Variants in MRPS5 observed in about 807,000 individuals in gnomAD.
MRPS5 encodes small ribosomal subunit protein uS5m.
In MRPS5, 27 loss-of-function variants were observed where a neutral mutation model predicts 51.9. That is an observed-to-expected ratio of 0.52 (90% confidence interval 0.38 to 0.72). MRPS5 has a LOEUF of 0.72. MRPS5 is among the 30% of genes least tolerant of loss of function. The probability of loss-of-function intolerance (pLI) is 0.00; values close to 1 mark genes in which losing one functional copy is unlikely to be tolerated. For synonymous variants in MRPS5, 196 were observed against 193.2 expected (o/e 1.01, Z -0.12); for missense variants, 570 against 545.7 (o/e 1.04, Z -0.44).
intron 11 of MRPS5, 105 bp downstream of exon 11, chr2:95,090,281 G>A: frequency 5.2e-6 from 6 of 1,147,922 alleles, no homozygotes; most frequent in Admixed American, 2.2e-5. Context: ...CTCCTCAGGT[G>A]GCCCCAGGAA....
chr2:95,109,113 C>T (rs1250582079), intron 4 of MRPS5, among the ~76,000 whole-genome samples: 1 of 151,682 alleles, frequency 6.6e-6, no homozygotes, highest in Non-Finnish European at 1.5e-5. Flanking sequence ...AAGAAGCATC[C>T]AGGGGGACTT....
At chr2:95,108,821 G>C (rs1676030904) in intron 4 of MRPS5, among the ~76,000 whole-genome samples, 1 of 152,028 alleles carries the variant, frequency 6.6e-6, no homozygotes, top group South Asian at 2.1e-4. Flanking sequence ...CTATTATTGA[G>C]TGAAAAAAGT....
chr2:95,090,553 C>T, intron 10 of MRPS5, 31 bp from the exon 11 acceptor site: 1 of 1,612,896 alleles, frequency 6.2e-7, no homozygotes, highest in Non-Finnish European at 8.5e-7. Flanking sequence ...TGAAACACAG[C>T]CCACTCGCCT....
At chr2:95,117,021 G>C (rs1334507638) in intron 2 of MRPS5, among the ~76,000 whole-genome samples, 2 of 152,070 alleles carry the variant, frequency 1.3e-5, no homozygotes, top group Non-Finnish European at 2.9e-5. Context: ...CATGCCTGTA[G>C]TCCCAGCTAC....
intron 10 of MRPS5, among the ~76,000 whole-genome samples, chr2:95,096,470 C>T (rs1675630707): frequency 6.6e-6 from 1 of 152,184 alleles, no homozygotes. Context: ...TCCAGCAGCA[C>T]ATCAAAAAGC....
chr2:95,114,050 G>A (rs1676207938), intron 3 of MRPS5, among the ~76,000 whole-genome samples: 1 of 144,186 alleles, frequency 6.9e-6, no homozygotes, highest in African/African-American at 2.6e-5. Flanking sequence ...AGCCCGGGAG[G>A]TGGAGGTTGC....
chr2:95,108,866 C>T, intron 4 of MRPS5, among the ~76,000 whole-genome samples: 1 of 152,024 alleles, frequency 6.6e-6, no homozygotes, highest in Non-Finnish European at 1.5e-5. Flanking sequence ...GTGATATAAT[C>T]TAAATTTTTT....
chr2:95,115,145 T>C lies in MRPS5; in HGVS notation c.198A>G (p.Ala66=), dbSNP rs756820228. ...AAGAAATACAGCATTGTGTCTGCAG[T>C]GCACGGCTCAAGCTGGCGTAGGGAT... ...DTHPYASLSR[A]LQTQCCISSP... Residue 66 remains alanine, a synonymous_variant, in exon 3 of 12, where the codon GCA becomes GCG. Coordinates refer to ENST00000272418, the MANE Select transcript of MRPS5 (RefSeq NM_031902.5). 9.9e-6 allele frequency: 16 copies of C among 1,613,200 alleles called. No individual in the cohort carries two copies. In the South Asian group the frequency reaches 1.1e-4, roughly 11 times the overall value.
At chr2:95,096,819 C>G (rs1675640900) in intron 10 of MRPS5, among the ~76,000 whole-genome samples, 1 of 152,082 alleles carries the variant, frequency 6.6e-6, no homozygotes. Context: ...ATTCAACATA[C>G]TGTTGGAAGT....
chr2:95,087,498 A>G lies in MRPS5; in HGVS notation c.1152T>C (p.Val384=), dbSNP rs546161255. 1.9e-6 allele frequency: 3 copies of G among 1,614,210 alleles called. No individual in the cohort carries two copies. Among genetic ancestry groups the G allele is most frequent in the African/African-American group, 2.7e-5 (2 of 75,044 alleles). The change falls in exon 12 of 12, where the codon GTT becomes GTC. Residue 384 remains valine (V), a synonymous_variant. Transcript: ENST00000272418. ...TCCTCAAGGGCCCCCGGGGGGACGC[A>G]ACCACAATGGGCAGAGGGCCACATT... ...REECGPLPIV[V]ASPRGPLRKD...
intron 10 of MRPS5, among the ~76,000 whole-genome samples, chr2:95,098,990 C>T (rs1675715019): frequency 1.3e-5 from 2 of 149,326 alleles, no homozygotes; most frequent in Admixed American, 1.3e-4. Context: ...GATATCTCGG[C>T]TCACTGCAAG....
intron 3 of MRPS5, among the ~76,000 whole-genome samples, chr2:95,113,064 A>C (rs1456481722): frequency 6.6e-6 from 1 of 152,072 alleles, no homozygotes; most frequent in African/African-American, 2.4e-5. Flanking sequence ...AAGAGGAAGA[A>C]CACCAGTGAA....
chr2:95,094,079 C>T (rs1456260256), intron 10 of MRPS5, among the ~76,000 whole-genome samples: 8 of 152,050 alleles, frequency 5.3e-5, no homozygotes, highest in Admixed American at 2.6e-4. Context: ...ACGAGAACTA[C>T]GTGATGCATG....
chr2:95,090,444 G>A lies in MRPS5; in HGVS notation c.1010C>T (p.Ser337Phe). The A allele has an allele frequency of 6.2e-7, 1 of 1,614,178 alleles. No individual in the cohort carries two copies. The highest frequency in any genetic ancestry group is 8.5e-7 in the Non-Finnish European group (1 of 1,180,038). ...IGIKDMYAKV[S>F]GSINMLSLTQ... ...GAGGCTGAGCATATTAATGGACCCA[G>A]AGACCTTGGCATACATGTCTTTGAT... The change falls in exon 11 of 12, where the codon TCT becomes TTT. Residue 337 changes from serine to phenylalanine, a missense_variant. Ser to Phe is a radical substitution (Grantham distance 155). Transcript: ENST00000272418.
intron 10 of MRPS5, among the ~76,000 whole-genome samples, chr2:95,098,851 A>C (rs1675708182): frequency 1.3e-5 from 2 of 152,014 alleles, no homozygotes; most frequent in South Asian, 4.2e-4. Context: ...AAAAGAAAGA[A>C]AGAAAACATG....
At chr2:95,121,934 G>A (rs1299378306), upstream of MRPS5, 11 of 977,124 alleles carry the variant, frequency 1.1e-5, no homozygotes, top group Admixed American at 1.3e-4. Flanking sequence ...AGGCCGGGGT[G>A]AGGGACTGTC....
Position 95,121,804 on chromosome 2 carries a change from G to C in MRPS5, c.-13C>G, listed in dbSNP as rs1266594855. 2.6e-6 allele frequency: 4 copies of C among 1,536,304 alleles called. No individual in the cohort carries two copies. The African/African-American group carries it at 4.2e-5, about 16-fold the overall frequency. On this transcript the variant is annotated 5_prime_UTR_variant, in exon 1 of 12. Coordinates refer to ENST00000272418, the MANE Select transcript of MRPS5 (RefSeq NM_031902.5). ...CCGCGGTCGCCATGCTGGAGTCCGAGCCGCGCCTCGGCCTCCGCCCAGGGC... is the reference window on the plus strand; with the variant it reads ...CCGCGGTCGCCATGCTGGAGTCCGACCCGCGCCTCGGCCTCCGCCCAGGGC...
At chr2:95,108,999 C>T (rs1242804179) in intron 4 of MRPS5, among the ~76,000 whole-genome samples, 1 of 151,530 alleles carries the variant, frequency 6.6e-6, no homozygotes, top group Non-Finnish European at 1.5e-5. Flanking sequence ...AAATTTAATA[C>T]ATAAATACCT....
intron 1 of MRPS5, 91 bp from the exon 2 acceptor site, chr2:95,118,036 A>G (rs1676340220): frequency 1.0e-6 from 1 of 974,212 alleles, no homozygotes; most frequent in South Asian, 1.6e-5. Flanking sequence ...TCTATAGAAT[A>G]AAGAACCAAG....
Sources: allele counts gnomAD v4.1 joint callset (sites outside exome capture counted in the v4.1 genomes callset), GRCh38; gene constraint gnomAD v4.1.1; transcripts MANE v1.5; gene names NCBI Gene and HGNC (gene_info 2026-07-23, HGNC 2026-07-21).